The following CCN4 variants were observed in gnomAD, a reference collection of about 807,000 sequenced individuals.
The protein encoded by CCN4 is CCN family member 4.
In CCN4, 30 loss-of-function variants were observed where a neutral mutation model predicts 36.7. The ratio of observed to expected loss-of-function variants is 0.82; its 90% CI spans 0.61 to 1.11. The LOEUF (loss-of-function observed/expected upper bound fraction) is 1.11, where lower values mean the gene tolerates loss of function less well. Ranked by LOEUF, CCN4 falls within the 50% of genes least tolerant of loss-of-function variation. CCN4 has a pLI of 0.00. For missense variants in CCN4, 505 were observed against 504.9 expected, an observed-to-expected ratio of 1.00 and a Z score of 0.00; for synonymous variants, 191 against 195.4, an observed-to-expected ratio of 0.98 and a Z score of 0.19.
Position 133,224,229 on chromosome 8 carries a change from C to CTT in CCN4, c.611-1133_611-1132dup, listed in dbSNP as rs59929763. 6.0e-3 allele frequency among the ~76,000 whole-genome samples: 532 copies of CTT among 88,512 alleles called. 182 individuals are homozygous for CTT. The highest frequency in any genetic ancestry group is 0.048 in the Admixed American group (330 of 6,878). The allele number at this position is 88,512 out of a possible 152,430, so 58.1% of individuals were successfully genotyped here. A position where few individuals can be genotyped will look rare whatever the true frequency, so the allele number is the denominator to read the frequency against. On this transcript the variant is annotated intron_variant, in intron 3 of 4. Coordinates refer to ENST00000250160, the MANE Select transcript of CCN4 (RefSeq NM_003882.4). ...GATTTGAATTTGAAGCCCGTAAGTC[C>CTT]TTTTTTTTTTTTTTTTTTTTTTTTT...
At chr8:133,217,831 T>C (rs1854375183) in intron 2 of CCN4, among the ~76,000 whole-genome samples, 1 of 152,016 alleles carries the variant, frequency 6.6e-6, no homozygotes, top group Non-Finnish European at 1.5e-5. Flanking sequence ...GTGCAGCTGG[T>C]AGGGAAAGCC....
chr8:133,194,422 T>G (rs2130516525), intron 1 of CCN4, among the ~76,000 whole-genome samples: 4 of 76,392 alleles, frequency 5.2e-5, no homozygotes, highest in Admixed American at 1.6e-4. Flanking sequence ...TTGTGTGGTG[T>G]GTGTGTGGTA....
intron 1 of CCN4, among the ~76,000 whole-genome samples, chr8:133,206,901 T>C (rs990604258): frequency 6.6e-6 from 1 of 152,154 alleles, no homozygotes; most frequent in Non-Finnish European, 1.5e-5. Context: ...TCACTGTATA[T>C]GCCACCGGCC....
intron 3 of CCN4, among the ~76,000 whole-genome samples, chr8:133,224,229 CTTTT>C (rs59929763): frequency 0.24 from 21,406 of 87,874 alleles, 6,042 homozygotes; most frequent in Middle Eastern, 0.29. Flanking sequence ...CCCGTAAGTC[CTTTT>C]TTTTTTTTTT....
At chr8:133,202,792 C>A (rs1203235346) in intron 1 of CCN4, among the ~76,000 whole-genome samples, 2 of 152,170 alleles carry the variant, frequency 1.3e-5, no homozygotes, top group South Asian at 4.1e-4. Flanking sequence ...TGAAGGGGAG[C>A]CCCCACCAGG....
At chr8:133,195,490 G>A (rs1452955298) in intron 1 of CCN4, among the ~76,000 whole-genome samples, 1 of 152,062 alleles carries the variant, frequency 6.6e-6, no homozygotes, top group Non-Finnish European at 1.5e-5. Flanking sequence ...GTTGGAATCT[G>A]AGTGAAGATT....
In CCN4 at chr8:133,220,857, A is replaced by C. The variant is rs1231589636; in HGVS notation, c.610+16A>C. 6.3e-7 allele frequency: 1 copy of C among 1,588,812 alleles called. No homozygotes were observed. Among genetic ancestry groups the C allele is most frequent in the Non-Finnish European group, 8.6e-7 (1 of 1,162,862 alleles). ...GGAGCCTTCGGTGGGTGTGGGCCCG[A>C]GTGGGCTGGGGGTGGGACCCTACAA... On this transcript the variant is annotated intron_variant, in intron 3 of 4. Transcript: ENST00000250160.
intron 3 of CCN4, 112 bp downstream of exon 3, chr8:133,220,953 C>A: frequency 7.2e-7 from 1 of 1,392,098 alleles, no homozygotes; most frequent in South Asian, 1.5e-5. Context: ...TACCTACTAG[C>A]TTTGTGACCT....
chr8:133,206,491 T>C (rs1179064973), intron 1 of CCN4, among the ~76,000 whole-genome samples: 1 of 152,130 alleles, frequency 6.6e-6, no homozygotes, highest in Non-Finnish European at 1.5e-5. Flanking sequence ...ACTCCTTTTT[T>C]TGGGGGGTGG....
chr8:133,203,402 G>A (rs896836391), intron 1 of CCN4, among the ~76,000 whole-genome samples: 1 of 152,176 alleles, frequency 6.6e-6, no homozygotes, highest in Non-Finnish European at 1.5e-5. Context: ...GAATGAGGGA[G>A]CCGTGCAGCA....
rs1392128562 is a variant in CCN4 at position 133,231,086 on chromosome 8, T to C, written c.*3376T>C. 3 of 152,208 alleles carry C rather than the reference T, an allele frequency of 2.0e-5. No homozygotes were observed. Among genetic ancestry groups the C allele is most frequent in the Non-Finnish European group, 4.4e-5 (3 of 68,036 alleles). 9.4% of individuals were successfully genotyped at this position (152,208 alleles called of 1,614,324 possible). ...ACTGACAATAGCTGCAATTTTAACT[T>C]TGAAAATGATTCAGAATTATCAAAG... On this transcript the variant is annotated 3_prime_UTR_variant, in exon 5 of 5. Coordinates refer to ENST00000250160, the MANE Select transcript of CCN4 (RefSeq NM_003882.4).
At chr8:133,207,604 C>G (rs1783245876) in intron 1 of CCN4, among the ~76,000 whole-genome samples, 1 of 152,240 alleles carries the variant, frequency 6.6e-6, no homozygotes, top group Non-Finnish European at 1.5e-5. Context: ...ACATTAACCT[C>G]TCTGTGCCTC....
chr8:133,193,781 C>T lies in CCN4; in HGVS notation c.69+2568C>T, dbSNP rs577895212. Among the ~76,000 whole-genome samples the T allele has an allele frequency of 3.9e-5, 6 of 152,334 alleles. No individual in the cohort carries two copies. The South Asian group carries it at 1.2e-3, about 32-fold the overall frequency. On this transcript the variant is annotated intron_variant, in intron 1 of 4. Coordinates refer to ENST00000250160, the MANE Select transcript of CCN4 (RefSeq NM_003882.4). The stretch of plus-strand genomic sequence containing the variant: ...GTAATCAGGGAAGCTGACATTTGAA[C>T]CTTGGTCCAGCTCTTGGTAATGTAG...
In CCN4 at chr8:133,226,451, T is replaced by C. The variant is rs183012105; in HGVS notation, c.804+868T>C. ...TGATCAACTGGATCCATTTTTCTTC[T>C]TCCTTCTCCTTCTTCTCTTCTTTCT... On this transcript the variant is annotated intron_variant, in intron 4 of 4. Coordinates refer to ENST00000250160, the MANE Select transcript of CCN4 (RefSeq NM_003882.4). 2.7e-3 allele frequency among the ~76,000 whole-genome samples: 418 copies of C among 152,326 alleles called. 3 individuals are homozygous for C. The highest frequency in any genetic ancestry group is 9.4e-3 in the African/African-American group (392 of 41,584).
At chr8:133,198,468 C>T (rs1455223674) in intron 1 of CCN4, among the ~76,000 whole-genome samples, 3 of 152,196 alleles carry the variant, frequency 2.0e-5, no homozygotes, top group Non-Finnish European at 4.4e-5. Context: ...GCTCTTCCTA[C>T]ACAAGCCTGT....
At chr8:133,208,280 C>T (rs1256240212) in intron 1 of CCN4, among the ~76,000 whole-genome samples, 1 of 152,118 alleles carries the variant, frequency 6.6e-6, no homozygotes. Flanking sequence ...CAGCTGTGAC[C>T]TCATATGATG....
In CCN4 at chr8:133,228,211, A is replaced by C. The variant is rs537155133; in HGVS notation, c.*501A>C. 1 of 155,230 alleles carries C rather than the reference A, an allele frequency of 6.4e-6. No homozygotes were observed. The highest frequency in any genetic ancestry group is 1.9e-4 in the East Asian group (1 of 5,236). The allele number at this position is 155,230 out of a possible 1,614,324, so 9.6% of individuals were successfully genotyped here. The stretch of plus-strand genomic sequence containing the variant: ...CGCACCAAAACTATCCTGATTCCAA[A>C]TATGTATGCACCTCAAGGTCATCAA... On this transcript the variant is annotated 3_prime_UTR_variant, in exon 5 of 5. Coordinates refer to ENST00000250160, the MANE Select transcript of CCN4 (RefSeq NM_003882.4).
In CCN4 at chr8:133,229,435, A is replaced by T. The variant is rs545368414; in HGVS notation, c.*1725A>T. 1 of 152,354 alleles carries T rather than the reference A, an allele frequency of 6.6e-6. No individual in the cohort carries two copies. The highest frequency in any genetic ancestry group is 6.5e-5 in the Admixed American group (1 of 15,306). 9.4% of individuals were successfully genotyped at this position (152,354 alleles called of 1,614,324 possible). On this transcript the variant is annotated 3_prime_UTR_variant, in exon 5 of 5. Coordinates refer to ENST00000250160, the MANE Select transcript of CCN4 (RefSeq NM_003882.4). ...AGCATCCAAAATACATGGGACACACAAAAATCCAGGAATCCCCTGTAGCTT... is the reference window on the plus strand; with the variant it reads ...AGCATCCAAAATACATGGGACACACTAAAATCCAGGAATCCCCTGTAGCTT...
chr8:133,194,439 T>G, intron 1 of CCN4, among the ~76,000 whole-genome samples: 1 of 64,206 alleles, frequency 1.6e-5, no homozygotes. Context: ...GGTATGTGTG[T>G]GTGGTGTGTG....
Sources: allele counts gnomAD v4.1 joint callset (sites outside exome capture counted in the v4.1 genomes callset), GRCh38; gene constraint gnomAD v4.1.1; transcripts MANE v1.5; gene names NCBI Gene and HGNC (gene_info 2026-07-23, HGNC 2026-07-21).